Variants in WWOX observed in about 807,000 individuals in gnomAD.
WWOX encodes WW domain containing oxidoreductase.
WWOX carries 69 observed loss-of-function variants against 46.2 expected under a neutral mutation model. The observed-to-expected ratio is 1.49, with a 90% confidence interval of 1.23 to 1.82. The LOEUF (loss-of-function observed/expected upper bound fraction) is 1.82. Among genes scored for constraint, WWOX ranks in the 40% most tolerant of loss-of-function variants. WWOX has a pLI of 0.00. For synonymous variants in WWOX, 359 were observed against 202.6 expected, an observed-to-expected ratio of 1.77 and a Z score of -6.56; for missense variants, 919 against 542.6, an observed-to-expected ratio of 1.69 and a Z score of -6.89.
At chr16:79,115,053 C>T (rs2049487917) in intron 8 of WWOX, among the ~76,000 whole-genome samples, 4 of 152,204 alleles carry the variant, frequency 2.6e-5, no homozygotes, top group South Asian at 4.1e-4. Flanking sequence ...GCTCTGATGA[C>T]CTCTTGTGCC....
At chr16:78,519,033 T>C (rs911512618) in intron 8 of WWOX, among the ~76,000 whole-genome samples, 4 of 152,226 alleles carry the variant, frequency 2.6e-5, no homozygotes, top group Non-Finnish European at 4.4e-5. Context: ...AGTTTTTGTT[T>C]AGCTGTTTTT....
At chr16:78,179,613 A>T (rs2035464871) in intron 5 of WWOX, 1 of 152,336 alleles carries the variant, frequency 6.6e-6, no homozygotes, top group African/African-American at 2.4e-5. Context: ...AGTAGCTAGC[A>T]TTGTTTTCCA....
chr16:78,406,333 TATATATATATATATATA>T lies in WWOX; in HGVS notation c.606-18536_606-18520del, dbSNP rs1254877328. Among the ~76,000 whole-genome samples, 336 of 95,658 alleles carry T rather than the reference TATATATATATATATATA, an allele frequency of 3.5e-3. 10 individuals are homozygous for T. The highest frequency in any genetic ancestry group is 0.028 in the African/African-American group (302 of 10,954). 62.8% of individuals were successfully genotyped at this position (95,658 alleles called of 152,430 possible). ...ATATATATATATATATATATATATATATATATATATATATATATATATTTTATTATTTTTTTTTGAGA... is the reference window on the plus strand; with the variant it reads ...ATATATATATATATATATATATATATTATATTTTATTATTTTTTTTTGAGA... On this transcript the variant is annotated intron_variant, in intron 6 of 8. Transcript: ENST00000566780.
intron 8 of WWOX, among the ~76,000 whole-genome samples, chr16:78,731,163 C>G (rs533340419): frequency 6.6e-6 from 1 of 152,070 alleles, no homozygotes; most frequent in Non-Finnish European, 1.5e-5. Flanking sequence ...AGTTCTAACT[C>G]TTCTTGGGCA....
At chr16:78,559,385 A>T (rs2044379751) in intron 8 of WWOX, among the ~76,000 whole-genome samples, 2 of 152,194 alleles carry the variant, frequency 1.3e-5, no homozygotes, top group African/African-American at 4.8e-5. Context: ...ATGGATATAG[A>T]CTAAGACATG....
chr16:78,434,080 C>T (rs955465516), intron 8 of WWOX, among the ~76,000 whole-genome samples: 30 of 152,294 alleles, frequency 2.0e-4, no homozygotes, highest in African/African-American at 6.7e-4. Context: ...TGAGCCACCG[C>T]GCCCGGCCTG....
At chr16:78,449,999 T>G (rs147442247) in intron 8 of WWOX, among the ~76,000 whole-genome samples, 363 of 152,090 alleles carry the variant, frequency 2.4e-3, no homozygotes, top group African/African-American at 8.5e-3. Flanking sequence ...TTGTTGTTGT[T>G]TTGTTATGAT....
At chr16:78,984,614 A>G (rs990097500) in intron 8 of WWOX, among the ~76,000 whole-genome samples, 1 of 152,244 alleles carries the variant, frequency 6.6e-6, no homozygotes, top group Non-Finnish European at 1.5e-5. Flanking sequence ...ACTTCTACTC[A>G]AGTAAGTCAA....
At chr16:78,566,237 C>T (rs1053898505) in intron 8 of WWOX, among the ~76,000 whole-genome samples, 1 of 152,184 alleles carries the variant, frequency 6.6e-6, no homozygotes, top group Non-Finnish European at 1.5e-5. Context: ...AAAGCCCCAC[C>T]TCCAAGTACT....
chr16:78,211,281 A>G (rs1228155913), intron 5 of WWOX, among the ~76,000 whole-genome samples: 1 of 152,216 alleles, frequency 6.6e-6, no homozygotes, highest in Non-Finnish European at 1.5e-5. Context: ...TGGCTGTGGC[A>G]GGGGACTCAC....
At chr16:78,655,284 C>T (rs2047055385) in intron 8 of WWOX, among the ~76,000 whole-genome samples, 1 of 152,152 alleles carries the variant, frequency 6.6e-6, no homozygotes, top group Non-Finnish European at 1.5e-5. Context: ...TTGATTTGAT[C>T]ACTTAGAGAC....
At chr16:78,163,635 G>A (rs180778516) in intron 4 of WWOX, among the ~76,000 whole-genome samples, 23 of 152,288 alleles carry the variant, frequency 1.5e-4, no homozygotes, top group Admixed American at 9.8e-4. Context: ...ACAGATATGG[G>A]TGTGTATGCA....
chr16:78,302,362 C>T (rs764939652), intron 5 of WWOX, among the ~76,000 whole-genome samples: 1 of 152,098 alleles, frequency 6.6e-6, no homozygotes, highest in Non-Finnish European at 1.5e-5. Flanking sequence ...TATCAACTAA[C>T]TCCCAGAAGT....
intron 5 of WWOX, among the ~76,000 whole-genome samples, chr16:78,216,225 T>A (rs535697158): frequency 6.6e-6 from 1 of 152,320 alleles, no homozygotes; most frequent in South Asian, 2.1e-4. Context: ...GTAATAATGA[T>A]AATAGATACA....
At chr16:78,409,302 T>C (rs970719819) in intron 6 of WWOX, among the ~76,000 whole-genome samples, 5 of 152,146 alleles carry the variant, frequency 3.3e-5, no homozygotes, top group African/African-American at 1.2e-4. Flanking sequence ...AGAGCTGCCA[T>C]CATCACTGTC....
chr16:78,501,891 G>A (rs1054831160), intron 8 of WWOX, among the ~76,000 whole-genome samples: 35 of 152,092 alleles, frequency 2.3e-4, no homozygotes, highest in Admixed American at 2.6e-4. Context: ...CGGTGGGGTT[G>A]GGGTGGCAAT....
intron 8 of WWOX, among the ~76,000 whole-genome samples, chr16:78,971,075 A>C (rs1431120754): frequency 6.6e-6 from 1 of 152,004 alleles, no homozygotes; most frequent in Non-Finnish European, 1.5e-5. Flanking sequence ...ATGTATACAT[A>C]TGTATATGTA....
chr16:78,560,879 G>C (rs975103056), intron 8 of WWOX, among the ~76,000 whole-genome samples: 1 of 151,850 alleles, frequency 6.6e-6, no homozygotes, highest in Non-Finnish European at 1.5e-5. Context: ...TTTTGCTATT[G>C]CTGTGTAACA....
Position 78,194,635 on chromosome 16 carries a change from C to T in WWOX, c.516+30346C>T, listed in dbSNP as rs73568336. Among the ~76,000 whole-genome samples the T allele has an allele frequency of 3.4e-3, 520 of 151,400 alleles. 1 individual carries two copies. Among genetic ancestry groups the T allele is most frequent in the African/African-American group, 0.012 (503 of 41,336 alleles). On this transcript the variant is annotated intron_variant, in intron 5 of 8. Transcript: ENST00000566780. ...TATGTCAAGAATTCACATTTCTGGC[C>T]TCTCTTAAAAATATTGGAAGACATG...
Sources: allele counts gnomAD v4.1 joint callset (sites outside exome capture counted in the v4.1 genomes callset), GRCh38; gene constraint gnomAD v4.1.1; transcripts MANE v1.5; gene names NCBI Gene and HGNC (gene_info 2026-07-23, HGNC 2026-07-21).